Variants in PTGER3 observed in about 807,000 individuals in gnomAD.
PTGER3 encodes the protein prostaglandin E2 receptor EP3 subtype.
In PTGER3, 22 loss-of-function variants were observed where a neutral mutation model predicts 34.7. The ratio of observed to expected loss-of-function variants is 0.63; its 90% CI spans 0.45 to 0.91. The LOEUF (loss-of-function observed/expected upper bound fraction) is 0.91, where lower values mean the gene tolerates loss of function less well. Among genes scored for constraint, PTGER3 ranks in the 40% least tolerant of loss-of-function variants. The pLI is 0.00. For synonymous variants in PTGER3, 241 were observed against 230.1 expected, an observed-to-expected ratio of 1.05 and a Z score of -0.43; for missense variants, 468 against 519.4, an observed-to-expected ratio of 0.90 and a Z score of 0.96.
At chr1:70,870,232 A>G (rs1310531101) in intron 4 of PTGER3, among the ~76,000 whole-genome samples, 1 of 152,190 alleles carries the variant, frequency 6.6e-6, no homozygotes, top group Non-Finnish European at 1.5e-5. Context: ...CCTTTGAGCC[A>G]TGGCTAGTGC....
chr1:70,981,710 A>G (rs139637104), intron 2 of PTGER3, among the ~76,000 whole-genome samples: 219 of 152,126 alleles, frequency 1.4e-3, no homozygotes, highest in Middle Eastern at 3.4e-3. Flanking sequence ...TGCATGGCCC[A>G]TAATGCTGTT....
At chr1:70,948,602 C>G (rs1650448382), downstream of PTGER3, among the ~76,000 whole-genome samples, 1 of 152,182 alleles carries the variant, frequency 6.6e-6, no homozygotes, top group African/African-American at 2.4e-5. Flanking sequence ...AATCTAATCA[C>G]TGAGACTTGA....
chr1:70,951,843 A>G (rs887824673), downstream of PTGER3, among the ~76,000 whole-genome samples: 1 of 152,216 alleles, frequency 6.6e-6, no homozygotes, highest in African/African-American at 2.4e-5. Context: ...ACAGAAACAA[A>G]TTACTAAATA....
chr1:70,895,065 T>C (rs1481746179), intron 4 of PTGER3, among the ~76,000 whole-genome samples: 1 of 152,232 alleles, frequency 6.6e-6, no homozygotes, highest in Non-Finnish European at 1.5e-5. Context: ...GACTCTCAAT[T>C]GATTATTGAT....
intron 2 of PTGER3, chr1:71,010,335 G>A (rs746764451): frequency 8.2e-5 from 81 of 984,844 alleles, no homozygotes; most frequent in Non-Finnish European, 9.6e-5. Context: ...TTATCAGCCT[G>A]ATGGACTGTA....
intron 4 of PTGER3, among the ~76,000 whole-genome samples, chr1:70,881,617 G>A (rs1175816980): frequency 6.6e-6 from 1 of 151,894 alleles, no homozygotes; most frequent in East Asian, 1.9e-4. Flanking sequence ...CTTTTTTGGT[G>A]CCCTTGAGGG....
At chr1:70,967,703 G>A (rs1427438981), downstream of PTGER3, among the ~76,000 whole-genome samples, 2 of 152,074 alleles carry the variant, frequency 1.3e-5, no homozygotes, top group African/African-American at 2.4e-5. Flanking sequence ...CTTAAGAACA[G>A]TTTTCTTTGA....
At chr1:70,972,358 G>A (rs554884935) in intron 3 of PTGER3, among the ~76,000 whole-genome samples, 1 of 152,046 alleles carries the variant, frequency 6.6e-6, no homozygotes, top group African/African-American at 2.4e-5. Context: ...AAAGTATTCT[G>A]TTTATTTTTT....
At chr1:70,952,022 T>C (rs563532674), downstream of PTGER3, among the ~76,000 whole-genome samples, 2 of 152,160 alleles carry the variant, frequency 1.3e-5, no homozygotes, top group Non-Finnish European at 2.9e-5. Context: ...TGGGATAGCA[T>C]GTGCAAAGAA....
chr1:71,037,189 C>T (rs79342616), intron 1 of PTGER3, among the ~76,000 whole-genome samples: 15,612 of 152,256 alleles, frequency 0.1, 1,063 homozygotes, highest in African/African-American at 0.18. Flanking sequence ...AGGGCAACCA[C>T]AGTAAGACCT....
At chr1:71,030,925 G>A (rs1659356555) in intron 1 of PTGER3, among the ~76,000 whole-genome samples, 1 of 151,724 alleles carries the variant, frequency 6.6e-6, no homozygotes, top group East Asian at 1.9e-4. Context: ...AAACTAATAA[G>A]AGAGAAAAAC....
chr1:70,945,991 A>G (rs1486856458), intron 4 of PTGER3, among the ~76,000 whole-genome samples: 5 of 152,124 alleles, frequency 3.3e-5, no homozygotes, highest in Non-Finnish European at 5.9e-5. Context: ...GGCCTTATGC[A>G]AAGGAGATTC....
chr1:70,889,258 A>T (rs1191324903), intron 4 of PTGER3, among the ~76,000 whole-genome samples: 1 of 151,956 alleles, frequency 6.6e-6, no homozygotes, highest in Non-Finnish European at 1.5e-5. Flanking sequence ...TACTAAAAAT[A>T]CAAAAAATTA....
At chr1:70,891,093 T>G (rs539028426) in intron 4 of PTGER3, among the ~76,000 whole-genome samples, 1 of 152,322 alleles carries the variant, frequency 6.6e-6, no homozygotes, top group South Asian at 2.1e-4. Flanking sequence ...CTGGCTGTAT[T>G]AAGTGGCACT....
At chr1:71,044,985 T>TGGCC (rs1660631102) in intron 1 of PTGER3, among the ~76,000 whole-genome samples, 1 of 152,224 alleles carries the variant, frequency 6.6e-6, no homozygotes, top group Non-Finnish European at 1.5e-5. Context: ...CCTTCCTAGT[T>TGGCC]GGCCACCTGT....
intron 2 of PTGER3, among the ~76,000 whole-genome samples, chr1:70,957,841 G>A (rs1490386829): frequency 2.0e-5 from 3 of 152,026 alleles, no homozygotes; most frequent in Admixed American, 2.0e-4. Flanking sequence ...ACCTTTTGTT[G>A]TCCCCCCTTC....
intron 4 of PTGER3, among the ~76,000 whole-genome samples, chr1:70,866,729 C>T (rs763879888): frequency 4.6e-5 from 7 of 152,150 alleles, no homozygotes; most frequent in South Asian, 2.1e-4. Flanking sequence ...AGGGCACTGG[C>T]GGCTCTATCA....
At position 70,861,214 on chromosome 1, in the gene PTGER3, C is replaced by G. The variant is rs199876847; in HGVS notation, c.*24-8355G>C. 2.0e-5 allele frequency among the ~76,000 whole-genome samples: 3 copies of G among 152,186 alleles called. No homozygotes were observed. In the East Asian group the frequency reaches 5.8e-4, roughly 29 times the overall value. Reference sequence around the variant, plus strand: ...TTCAAAGAGGTCCTAAATACTTATGCAAAAGCCTCAGAGATGCATTTTGAA... The same window carrying G: ...TTCAAAGAGGTCCTAAATACTTATGGAAAAGCCTCAGAGATGCATTTTGAA... On this transcript the variant is annotated intron_variant, in intron 4 of 4. Transcript: ENST00000370931.
In PTGER3 at chr1:71,015,863, C is replaced by T. The variant is rs548580906; in HGVS notation, c.898-3379G>A. ...TTTAGTCACAGTTTTTATTCTTAAA[C>T]GAATCCCTGGCAAAGGGGATGGGAA... On this transcript the variant is annotated intron_variant, in intron 1 of 3. Transcript: ENST00000306666. 1.7e-3 allele frequency among the ~76,000 whole-genome samples: 254 copies of T among 152,290 alleles called. 1 individual carries two copies. The highest frequency in any genetic ancestry group is 5.7e-3 in the African/African-American group (238 of 41,560).
Sources: gnomAD v4.1 joint callset for allele counts (sites outside exome capture counted in the v4.1 genomes callset) on GRCh38, gnomAD v4.1.1 for gene constraint, MANE v1.5 for transcripts, NCBI Gene and HGNC (gene_info 2026-07-23, HGNC 2026-07-21) for gene names.